The following NDUFB11 variants were observed in gnomAD, a reference collection of about 807,000 sequenced individuals.
The protein encoded by NDUFB11 is NADH dehydrogenase [ubiquinone] 1 beta subcomplex subunit 11, mitochondrial.
For missense variants in NDUFB11, 108 were observed against 133.8 expected (o/e 0.81, Z 0.95); for synonymous variants, 51 against 57.4 (o/e 0.89, Z 0.51).
At chrX:47,142,467 C>T (rs782304724) in intron 2 of NDUFB11, 27 bp from the exon 3 acceptor site, 65 of 1,208,248 alleles carry the variant, frequency 5.4e-5, no homozygotes, top group Non-Finnish European at 7.2e-5. Flanking sequence ...CAGGGGTAGA[C>T]GTGAGGGAGC....
In NDUFB11 at chrX:47,142,373, T is replaced by C. The variant is rs782153713; in HGVS notation, c.406A>G (p.Ile136Val). The change falls in exon 3 of 3, where the codon ATC becomes GTC. Residue 136 changes from isoleucine to valine, a missense_variant. By Grantham distance (29) the Ile-to-Val change is conservative. Transcript: ENST00000377811. ...VKYREANGLP[I>V]MESNCFDPSK... Reference sequence around the variant, plus strand: ...GGGTCGAAGCAGTTGGATTCCATGATGGGAAGGCCATTGGCCTCTCGGTAT... The same window carrying C: ...GGGTCGAAGCAGTTGGATTCCATGACGGGAAGGCCATTGGCCTCTCGGTAT... 2.5e-6 allele frequency: 3 copies of C among 1,211,573 alleles called. No homozygotes were observed. Among genetic ancestry groups the C allele is most frequent in the Non-Finnish European group, 3.4e-6 (3 of 895,460 alleles).
At chrX:47,145,227 T>C, upstream of NDUFB11, 2 of 453,701 alleles carry the variant, frequency 4.4e-6, no homozygotes, top group Non-Finnish European at 7.8e-6. Flanking sequence ...CCTTAGTAGG[T>C]GGATGGTGGT....
chrX:47,144,740 G>A (rs782507334), upstream of NDUFB11: 3 of 1,005,798 alleles, frequency 3.0e-6, no homozygotes, highest in Admixed American at 6.7e-5. Flanking sequence ...CGCAGCTGCA[G>A]TGGGTGCGAG....
chrX:47,144,446 ACCCCCCCCCCC>A lies in NDUFB11; in HGVS notation c.207+16_207+26del, dbSNP rs374822796. On this transcript the variant is annotated intron_variant, in intron 1 of 2. Transcript: ENST00000377811. The stretch of plus-strand genomic sequence containing the variant: ...ACCCCTTCGGGGTTCCGTCCCCACT[ACCCCCCCCCCC>A]CCCCCCGCCTCTCACCTTCTCATAC... 2 of 53,642 alleles carry A rather than the reference ACCCCCCCCCCC, an allele frequency of 3.7e-5. No individual in the cohort carries two copies. The highest frequency in any genetic ancestry group is 3.5e-4 in the African/African-American group (1 of 2,836). The allele number at this position is 53,642 out of a possible 1,213,427, so 4.4% of individuals were successfully genotyped here. A position where few individuals can be genotyped will look rare whatever the true frequency, so the allele number is the denominator to read the frequency against.
rs1277771192 is a variant in NDUFB11 at position 47,144,462 on chromosome X, C to G, written c.207+11G>C. On this transcript the variant is annotated intron_variant, in intron 1 of 2. Coordinates refer to ENST00000377811, the MANE Select transcript of NDUFB11 (RefSeq NM_001135998.3). Reference sequence around the variant, plus strand: ...GTCCCCACTACCCCCCCCCCCCCCCCCGCCTCTCACCTTCTCATACAAGTT... The same window carrying G: ...GTCCCCACTACCCCCCCCCCCCCCCGCGCCTCTCACCTTCTCATACAAGTT... 1.3e-5 allele frequency: 6 copies of G among 458,166 alleles called. No individual in the cohort carries two copies. The highest frequency in any genetic ancestry group is 1.8e-4 in the East Asian group (1 of 5,436). 37.8% of individuals were successfully genotyped at this position (458,166 alleles called of 1,213,427 possible).
chrX:47,145,252 C>T (rs1292150193), upstream of NDUFB11: 8 of 487,044 alleles, frequency 1.6e-5, no homozygotes, highest in Non-Finnish European at 2.9e-5. Context: ...GCGCCGACTC[C>T]CTTCTCGTCG....
chrX:47,144,445 T>TGGCCCCCCCCCCCCC, intron 1 of NDUFB11, 28 bp downstream of exon 1: 3 of 61,003 alleles, frequency 4.9e-5, no homozygotes, highest in East Asian at 8.4e-4. Flanking sequence ...CCGTCCCCAC[T>TGGCCCCCCCCCCCCC]ACCCCCCCCC....
At chrX:47,145,315 T>C, upstream of NDUFB11, 1 of 737,244 alleles carries the variant, frequency 1.4e-6, no homozygotes, top group East Asian at 3.5e-5. Context: ...GGCAGTGAGT[T>C]TCCCTGGGAG....
intron 2 of NDUFB11, 41 bp from the exon 3 acceptor site, chrX:47,142,481 A>G (rs1931809392): frequency 1.7e-6 from 2 of 1,207,389 alleles, no homozygotes; most frequent in East Asian, 5.9e-5. Flanking sequence ...AGGGAGCCTC[A>G]ACTGATACCA....
At chrX:47,145,376 G>A, upstream of NDUFB11, 1 of 1,077,404 alleles carries the variant, frequency 9.3e-7, no homozygotes, top group Non-Finnish European at 1.2e-6. Flanking sequence ...TCCAGTCTCG[G>A]ACTTGGTTGT....
At chrX:47,143,348 A>G (rs1411709431) in intron 1 of NDUFB11, among the ~76,000 whole-genome samples, 8 of 112,196 alleles carry the variant, frequency 7.1e-5, no homozygotes, top group African/African-American at 2.6e-4. Flanking sequence ...GCTCTATGAG[A>G]GCATGGGCTT....
At chrX:47,144,446 A>AGCCCCCCCCCCCCCCCCC in intron 1 of NDUFB11, 27 bp downstream of exon 1, 3 of 53,658 alleles carry the variant, frequency 5.6e-5, no homozygotes, top group East Asian at 7.1e-4. Flanking sequence ...CGTCCCCACT[A>AGCCCCCCCCCCCCCCCCC]CCCCCCCCCC....
At position 47,144,474 on chromosome X, in the gene NDUFB11, T is replaced by A; in HGVS notation, c.206A>T (p.Lys69Met). The part of the protein sequence containing the change: ...PEPEDENLYE[K>M]NPDSHGYDKD... ...CCCCCCCCCCCCCCCGCCTCTCACC[T>A]TCTCATACAAGTTTTCGTCCTCGGG... Residue 69 changes from lysine to methionine, a missense_variant and splice_region_variant, in exon 1 of 3, where the codon AAG becomes ATG. Physicochemically the swap from Lys to Met is moderately conservative, Grantham distance 95 (BLOSUM62 -1). Transcript: ENST00000377811. The A allele has an allele frequency of 5.6e-6, 1 of 180,094 alleles. No individual in the cohort carries two copies. The highest frequency in any genetic ancestry group is 7.6e-6 in the Non-Finnish European group (1 of 130,953). The allele number at this position is 180,094 out of a possible 1,213,427, so 14.8% of individuals were successfully genotyped here.
chrX:47,145,474 C>T (rs1266887422), upstream of NDUFB11: 2 of 1,149,270 alleles, frequency 1.7e-6, no homozygotes, highest in African/African-American at 1.8e-5. Context: ...CTTGACAGCC[C>T]GGGCCGAGAA....
Position 47,144,528 on chromosome X carries a change from G to A in NDUFB11, c.152C>T (p.Pro51Leu). The change falls in exon 1 of 3, where the codon CCG becomes CTG. Residue 51 changes from proline (P) to leucine (L), a missense_variant. Physicochemically the swap from Pro to Leu is moderately conservative, Grantham distance 98. Coordinates refer to ENST00000377811, the MANE Select transcript of NDUFB11 (RefSeq NM_001135998.3). ...TGGGTCCTCTTGCCACGGTGTGGTC[G>A]GTTCTGGGGGCCGCTTTCCCGCCAC... ...SAVAGKRPPEPTTPWQEDPEP... is the reference protein window; with the variant it reads ...SAVAGKRPPELTTPWQEDPEP... 1 of 1,139,205 alleles carries A rather than the reference G, an allele frequency of 8.8e-7. No homozygotes were observed. The highest frequency in any genetic ancestry group is 1.2e-6 in the Non-Finnish European group (1 of 854,271). The allele number at this position is 1,139,205 out of a possible 1,213,427, so 93.9% of individuals were successfully genotyped here.
At chrX:47,143,608 A>G (rs1556760842) in intron 1 of NDUFB11, among the ~76,000 whole-genome samples, 1 of 112,493 alleles carries the variant, frequency 8.9e-6, no homozygotes, top group South Asian at 3.6e-4. Flanking sequence ...ACGAAGTGCC[A>G]GCTGCTGTTC....
intron 1 of NDUFB11, 27 bp downstream of exon 1, chrX:47,144,446 A>AACC: frequency 3.7e-5 from 2 of 53,653 alleles, no homozygotes; most frequent in African/African-American, 3.5e-4. Flanking sequence ...CGTCCCCACT[A>AACC]CCCCCCCCCC....
At position 47,144,474 on chromosome X, in the gene NDUFB11, T is replaced by G; in HGVS notation, c.206A>C (p.Lys69Thr). Reference sequence around the variant, plus strand: ...CCCCCCCCCCCCCCCGCCTCTCACCTTCTCATACAAGTTTTCGTCCTCGGG... The same window carrying G: ...CCCCCCCCCCCCCCCGCCTCTCACCGTCTCATACAAGTTTTCGTCCTCGGG... ...PEPEDENLYE[K>T]NPDSHGYDKD... is the part of the protein sequence containing the mutation. The change falls in exon 1 of 3, where the codon AAG becomes ACG. Residue 69 changes from lysine (K) to threonine (T), a missense_variant and splice_region_variant. Physicochemically the swap from Lys to Thr is moderately conservative, Grantham distance 78. Transcript: ENST00000377811. 3 of 180,082 alleles carry G rather than the reference T, an allele frequency of 1.7e-5. No individual in the cohort carries two copies. Among genetic ancestry groups the G allele is most frequent in the Non-Finnish European group, 2.3e-5 (3 of 130,943 alleles). 14.8% of individuals were successfully genotyped at this position (180,082 alleles called of 1,213,427 possible). A position where few individuals can be genotyped will look rare whatever the true frequency, so the allele number is the denominator to read the frequency against.
intron 1 of NDUFB11, 98 bp from the exon 2 acceptor site, chrX:47,142,842 T>C: frequency 1.1e-6 from 1 of 928,792 alleles, no homozygotes; most frequent in Non-Finnish European, 1.5e-6. Context: ...TCTCACTAAA[T>C]TCCTCTGTTT....
Sources: gnomAD v4.1 joint callset for allele counts (sites outside exome capture counted in the v4.1 genomes callset) on GRCh38, gnomAD v4.1.1 for gene constraint, MANE v1.5 for transcripts, NCBI Gene and HGNC (gene_info 2026-07-23, HGNC 2026-07-21) for gene names.